The following PEX7 variants were observed in gnomAD, a reference collection of about 807,000 sequenced individuals.
PEX7 encodes the protein peroxisomal biogenesis factor 7.
In PEX7, 34 loss-of-function variants were observed where a neutral mutation model predicts 47.5. That is an observed-to-expected ratio of 0.72 (90% CI 0.54 to 0.95). The LOEUF is 0.95. Ranked by LOEUF, PEX7 falls within the 40% of genes least tolerant of loss-of-function variation. PEX7 has a pLI of 0.00. For synonymous variants in PEX7, 141 were observed against 148.8 expected, an observed-to-expected ratio of 0.95 and a Z score of 0.38; for missense variants, 394 against 400.3, an observed-to-expected ratio of 0.98 and a Z score of 0.13.
chr6:136,840,973 T>C (rs1291060805), intron 3 of PEX7, among the ~76,000 whole-genome samples: 1 of 152,218 alleles, frequency 6.6e-6, no homozygotes, highest in African/African-American at 2.4e-5. Context: ...GCTTTTTCTT[T>C]GTAGTTTTTA....
chr6:136,829,898 T>C (rs994952506), intron 3 of PEX7: 1 of 657,626 alleles, frequency 1.5e-6, no homozygotes, highest in South Asian at 1.7e-5. Flanking sequence ...GTTCGTGCCA[T>C]TGCACTCCAG....
intron 3 of PEX7, among the ~76,000 whole-genome samples, chr6:136,841,473 C>G (rs992496189): frequency 2.1e-4 from 32 of 152,276 alleles, no homozygotes; most frequent in African/African-American, 7.5e-4. Flanking sequence ...TGCTTTTTGC[C>G]TATTGACATT....
At chr6:136,835,415 A>G (rs1774368289) in intron 3 of PEX7, among the ~76,000 whole-genome samples, 1 of 151,454 alleles carries the variant, frequency 6.6e-6, no homozygotes, top group Admixed American at 6.6e-5. Flanking sequence ...CAGCCTCTTG[A>G]GTAGCTCAGA....
intron 8 of PEX7, among the ~76,000 whole-genome samples, chr6:136,872,754 T>G (rs563374527): frequency 9.2e-5 from 14 of 152,242 alleles, no homozygotes; most frequent in Admixed American, 7.8e-4. Context: ...CTATTTATAC[T>G]TCCAGTTACA....
intron 1 of PEX7, among the ~76,000 whole-genome samples, chr6:136,823,662 G>A (rs1016594607): frequency 3.3e-5 from 5 of 152,160 alleles, no homozygotes; most frequent in Non-Finnish European, 7.3e-5. Flanking sequence ...AGGCCGAGGT[G>A]GGCGGATCAC....
intron 3 of PEX7, among the ~76,000 whole-genome samples, chr6:136,833,988 A>C (rs1017642852): frequency 6.6e-6 from 1 of 152,210 alleles, no homozygotes; most frequent in East Asian, 1.9e-4. Flanking sequence ...CAAACCATTT[A>C]GGGTCCCACG....
chr6:136,882,548 A>AAAT (rs35368484), intron 8 of PEX7, among the ~76,000 whole-genome samples: 61,404 of 150,128 alleles, frequency 0.41, 12,822 homozygotes, highest in South Asian at 0.54. Context: ...CTTACCTTTA[A>AAAT]AATAATAATA....
At chr6:136,824,939 A>G (rs551428155) in intron 1 of PEX7, among the ~76,000 whole-genome samples, 2 of 152,326 alleles carry the variant, frequency 1.3e-5, no homozygotes, top group Admixed American at 6.5e-5. Context: ...TGTTAGGTCC[A>G]TGTCTGAATT....
intron 8 of PEX7, among the ~76,000 whole-genome samples, chr6:136,886,706 A>G (rs1191602305): frequency 3.3e-5 from 5 of 151,980 alleles, no homozygotes. Flanking sequence ...AGCATGAACC[A>G]GGACAGTGGT....
intron 6 of PEX7, among the ~76,000 whole-genome samples, chr6:136,867,383 G>A (rs1457531954): frequency 6.6e-6 from 1 of 151,890 alleles, no homozygotes; most frequent in Admixed American, 6.6e-5. Flanking sequence ...TATTGCCCCC[G>A]AAAACCTTCC....
At position 136,845,541 on chromosome 6, in the gene PEX7, T is replaced by G. The variant is rs531174213; in HGVS notation, c.340-74T>G. ...AATTAGTTGTTCTGCCTCTCATTGT[T>G]ATGTAACAAGAGATAAAATGCAATG... is the stretch of plus-strand genomic sequence containing the variant. On this transcript the variant is annotated intron_variant, in intron 3 of 9. Coordinates refer to ENST00000318471, the MANE Select transcript of PEX7 (RefSeq NM_000288.4). The G allele has an allele frequency of 3.9e-5, 33 of 844,572 alleles. No homozygotes were observed. In the African/African-American group the frequency reaches 5.1e-4, roughly 13 times the overall value. The allele number at this position is 844,572 out of a possible 1,614,324, so 52.3% of individuals were successfully genotyped here. A position where few individuals can be genotyped will look rare whatever the true frequency, so the allele number is the denominator to read the frequency against.
intron 5 of PEX7, among the ~76,000 whole-genome samples, chr6:136,849,373 G>C (rs1174826930): frequency 6.6e-6 from 1 of 151,496 alleles, no homozygotes; most frequent in African/African-American, 2.4e-5. Flanking sequence ...TCTGATCTCA[G>C]TTATTTGTTG....
intron 3 of PEX7, among the ~76,000 whole-genome samples, chr6:136,837,812 CCACACACACACACACACA>C (rs34680868): frequency 1.4e-5 from 2 of 146,714 alleles, no homozygotes; most frequent in African/African-American, 5.0e-5. Context: ...AATTTAAACG[CCACACACACACACACACA>C]CACACACACA....
intron 5 of PEX7, among the ~76,000 whole-genome samples, chr6:136,865,218 A>AG (rs1474990272): frequency 1.3e-5 from 2 of 152,102 alleles, no homozygotes; most frequent in African/African-American, 4.8e-5. Flanking sequence ...TGGGAGGCTG[A>AG]GGTGGGAAGA....
chr6:136,858,143 C>T (rs753875321), intron 5 of PEX7, among the ~76,000 whole-genome samples: 15 of 152,186 alleles, frequency 9.9e-5, no homozygotes, highest in Non-Finnish European at 2.1e-4. Flanking sequence ...ATTATTAACA[C>T]GTGTGCCCAG....
chr6:136,903,189 A>G (rs1264309474), intron 9 of PEX7, among the ~76,000 whole-genome samples: 1 of 152,194 alleles, frequency 6.6e-6, no homozygotes, highest in Non-Finnish European at 1.5e-5. Context: ...TATAACCACT[A>G]TCCACGTTGA....
rs1400131561 is a variant in PEX7 at position 136,866,650 on chromosome 6, G to C, written c.550G>C (p.Asp184His). 1 of 1,614,060 alleles carries C rather than the reference G, an allele frequency of 6.2e-7. No homozygotes were observed. Among genetic ancestry groups the C allele is most frequent in the Non-Finnish European group, 8.5e-7 (1 of 1,179,950 alleles). Reference sequence around the variant, plus strand: ...AGGTGATCAGACTCTGAGAATATGGGATGTGAAGGCAGCAGGAGTAAGAAT... The same window carrying C: ...AGGTGATCAGACTCTGAGAATATGGCATGTGAAGGCAGCAGGAGTAAGAAT... ...ASGDQTLRIW[D>H]VKAAGVRIVI... The change falls in exon 6 of 10, where the codon GAT becomes CAT. Residue 184 changes from aspartate (D) to histidine (H), a missense_variant. Coordinates refer to ENST00000318471, the MANE Select transcript of PEX7 (RefSeq NM_000288.4).
chr6:136,858,409 A>G (rs1774900760), intron 5 of PEX7, among the ~76,000 whole-genome samples: 1 of 152,174 alleles, frequency 6.6e-6, no homozygotes, highest in Non-Finnish European at 1.5e-5. Context: ...CTCTAGGGTA[A>G]TTTGCTCTAG....
At chr6:136,895,046 A>C (rs1322612873) in intron 8 of PEX7, among the ~76,000 whole-genome samples, 1 of 152,194 alleles carries the variant, frequency 6.6e-6, no homozygotes, top group Admixed American at 6.5e-5. Flanking sequence ...GGTTGCAAGG[A>C]GAGACCATGC....
Sources: allele counts gnomAD v4.1 joint callset (sites outside exome capture counted in the v4.1 genomes callset), GRCh38; gene constraint gnomAD v4.1.1; transcripts MANE v1.5; gene names NCBI Gene and HGNC (gene_info 2026-07-23, HGNC 2026-07-21).